PRKG1: variants seen among roughly 807,000 people sequenced by gnomAD.
The protein encoded by PRKG1 is protein kinase cGMP-dependent 1.
Under a neutral mutation model 88.1 loss-of-function variants are expected in PRKG1, and 35 were observed. The ratio of observed to expected loss-of-function variants is 0.40; its 90% CI spans 0.30 to 0.53. The LOEUF (loss-of-function observed/expected upper bound fraction) is 0.53, where lower values mean the gene tolerates loss of function less well. Ranked by LOEUF, PRKG1 falls within the 20% of genes least tolerant of loss-of-function variation. The pLI, the probability that PRKG1 is intolerant of heterozygous loss-of-function variation, is 0.59. For synonymous variants in PRKG1, 303 were observed against 292.5 expected (o/e 1.04, Z -0.37); for missense variants, 540 against 839.8 (o/e 0.64, Z 4.41).
intron 5 of PRKG1, among the ~76,000 whole-genome samples, chr10:52,000,342 C>A (rs191549201): frequency 5.3e-5 from 8 of 151,990 alleles, no homozygotes; most frequent in African/African-American, 1.4e-4. Context: ...TATATAATTT[C>A]AACAGATGAT....
chr10:51,302,103 C>T (rs1164917497), intron 2 of PRKG1, among the ~76,000 whole-genome samples: 3 of 152,216 alleles, frequency 2.0e-5, no homozygotes, highest in Non-Finnish European at 4.4e-5. Flanking sequence ...TGTAAATCCA[C>T]TGAGGATGTA....
intron 1 of PRKG1, chr10:51,148,307 C>A: frequency 1.0e-6 from 1 of 976,190 alleles, no homozygotes; most frequent in Non-Finnish European, 1.2e-6. Flanking sequence ...CATTTGATCC[C>A]AAAGTTGACC....
At position 51,050,825 on chromosome 10, in the gene PRKG1, T is replaced by A. The variant is rs964004974; in HGVS notation, c.266+59181T>A. 1.7e-4 allele frequency among the ~76,000 whole-genome samples: 26 copies of A among 152,100 alleles called. 1 individual carries two copies. The highest frequency in any genetic ancestry group is 5.2e-4 in the Admixed American group (8 of 15,268). ...ATCCTTGCCAATTCTTGTTATCTATTTTTTAATATAATAGTCATTCTAACA... is the reference window on the plus strand; with the variant it reads ...ATCCTTGCCAATTCTTGTTATCTATATTTTAATATAATAGTCATTCTAACA... On this transcript the variant is annotated intron_variant, in intron 1 of 17. Coordinates refer to the PRKG1 transcript ENST00000401604.
intron 5 of PRKG1, among the ~76,000 whole-genome samples, chr10:52,034,753 T>C (rs1055830251): frequency 2.0e-5 from 3 of 152,022 alleles, no homozygotes; most frequent in Non-Finnish European, 2.9e-5. Context: ...GGAGTATGAC[T>C]AGACAGAAGA....
chr10:52,013,599 G>A (rs1344364187), intron 5 of PRKG1, among the ~76,000 whole-genome samples: 1 of 152,172 alleles, frequency 6.6e-6, no homozygotes, highest in Non-Finnish European at 1.5e-5. Context: ...AGTAGCATGA[G>A]CTTATGTTCG....
At chr10:51,828,328 A>T (rs192230366) in intron 4 of PRKG1, among the ~76,000 whole-genome samples, 3 of 152,264 alleles carry the variant, frequency 2.0e-5, no homozygotes. Flanking sequence ...AATCAGAGAC[A>T]TTTTAACATA....
intron 4 of PRKG1, among the ~76,000 whole-genome samples, chr10:51,839,983 G>A (rs1840229559): frequency 2.0e-5 from 3 of 152,204 alleles, no homozygotes; most frequent in African/African-American, 7.2e-5. Context: ...TGACAGCCCT[G>A]TTTTCCTCCC....
chr10:51,662,951 A>T (rs534925951), intron 3 of PRKG1, among the ~76,000 whole-genome samples: 1 of 152,220 alleles, frequency 6.6e-6, no homozygotes, highest in Admixed American at 6.6e-5. Context: ...TTTGTGAAAG[A>T]CTTAGTAGGC....
At chr10:51,421,013 G>A (rs1441655808) in intron 2 of PRKG1, among the ~76,000 whole-genome samples, 3 of 152,162 alleles carry the variant, frequency 2.0e-5, no homozygotes, top group Admixed American at 6.5e-5. Context: ...CTCCCACCAG[G>A]CCCCACCTCC....
chr10:52,242,621 G>T (rs1249608977), intron 9 of PRKG1, among the ~76,000 whole-genome samples: 1 of 152,074 alleles, frequency 6.6e-6, no homozygotes, highest in Non-Finnish European at 1.5e-5. Context: ...ATTTGGCCAG[G>T]CACGGTGCCT....
chr10:51,801,264 G>A (rs999915171), intron 3 of PRKG1, among the ~76,000 whole-genome samples: 4 of 152,198 alleles, frequency 2.6e-5, no homozygotes, highest in South Asian at 2.1e-4. Flanking sequence ...GGGCATGGCC[G>A]TGTTCCAGTA....
chr10:51,277,022 A>G (rs1840141958), intron 2 of PRKG1, among the ~76,000 whole-genome samples: 2 of 152,226 alleles, frequency 1.3e-5, no homozygotes, highest in Admixed American at 6.5e-5. Context: ...TGTTTTAGAC[A>G]TGAAGTTCTT....
intron 4 of PRKG1, among the ~76,000 whole-genome samples, chr10:51,833,452 A>T (rs1044408552): frequency 2.0e-5 from 3 of 152,220 alleles, no homozygotes; most frequent in African/African-American, 7.2e-5. Flanking sequence ...GTATTATTCC[A>T]AATTTATAAA....
intron 5 of PRKG1, among the ~76,000 whole-genome samples, chr10:51,912,720 T>A (rs949669682): frequency 6.6e-6 from 1 of 151,768 alleles, no homozygotes; most frequent in Non-Finnish European, 1.5e-5. Context: ...AATGAAAAAA[T>A]TAAAATAAAA....
chr10:51,543,782 A>G (rs10998032), intron 3 of PRKG1, among the ~76,000 whole-genome samples: 53,696 of 152,102 alleles, frequency 0.35, 11,104 homozygotes, highest in Non-Finnish European at 0.48. Context: ...AAAAATGTGA[A>G]CAAAGCCCCT....
At chr10:52,204,778 A>G (rs1327712388) in intron 9 of PRKG1, among the ~76,000 whole-genome samples, 1 of 152,154 alleles carries the variant, frequency 6.6e-6, no homozygotes, top group African/African-American at 2.4e-5. Context: ...AATTTTTTAT[A>G]GAGCATGTGT....
chr10:51,946,075 C>T (rs1377218390), intron 5 of PRKG1, among the ~76,000 whole-genome samples: 4 of 151,968 alleles, frequency 2.6e-5, no homozygotes, highest in South Asian at 2.1e-4. Flanking sequence ...CCATTCTCCC[C>T]GTCAATTTCA....
chr10:51,144,086 T>C (rs1845884393), intron 1 of PRKG1, among the ~76,000 whole-genome samples: 1 of 152,132 alleles, frequency 6.6e-6, no homozygotes, highest in Non-Finnish European at 1.5e-5. Context: ...TTTCCTCTAG[T>C]AGCTTCATAG....
rs1247237703 is a variant in PRKG1 at position 52,178,552 on chromosome 10, A to AT, written c.1076+16599dup. 2.8e-3 allele frequency among the ~76,000 whole-genome samples: 419 copies of AT among 148,908 alleles called. 1 individual carries two copies. Among genetic ancestry groups the AT allele is most frequent in the African/African-American group, 8.7e-3 (356 of 40,694 alleles). ...CTTTAAATCTAATGTTTCTTTGTTG[A>AT]TTTTTTTTTTGTCTAGTTGATCTGT... On this transcript the variant is annotated intron_variant, in intron 9 of 17. Coordinates refer to ENST00000373980, the MANE Select transcript of PRKG1 (RefSeq NM_006258.4).
Sources: gnomAD v4.1 joint callset for allele counts (sites outside exome capture counted in the v4.1 genomes callset) on GRCh38, gnomAD v4.1.1 for gene constraint, MANE v1.5 for transcripts, NCBI Gene and HGNC (gene_info 2026-07-23, HGNC 2026-07-21) for gene names.